Variants in ARHGAP32 observed in about 807,000 individuals in gnomAD.
ARHGAP32 encodes Rho GTPase activating protein 32, also known as rho GTPase-activating protein 32.
ARHGAP32 carries 51 observed loss-of-function variants against 186.5 expected under a neutral mutation model. The ratio of observed to expected loss-of-function variants is 0.27; its 90% CI spans 0.22 to 0.35. The LOEUF is 0.35. Among genes scored for constraint, ARHGAP32 ranks in the 10% least tolerant of loss-of-function variants. The probability of loss-of-function intolerance (pLI) is 1.00; values close to 1 mark genes in which losing one functional copy is unlikely to be tolerated. For missense variants in ARHGAP32, 2,186 were observed against 2,623.5 expected, an observed-to-expected ratio of 0.83 and a Z score of 3.64; for synonymous variants, 950 against 964.3, an observed-to-expected ratio of 0.99 and a Z score of 0.27.
At chr11:129,139,962 C>G (rs773284846) in intron 2 of ARHGAP32, among the ~76,000 whole-genome samples, 1 of 152,170 alleles carries the variant, frequency 6.6e-6, no homozygotes, top group African/African-American at 2.4e-5. Context: ...TTCAATCAAT[C>G]TAGGTACTGC....
chr11:129,268,865 C>G (rs1216042831), intron 1 of ARHGAP32, among the ~76,000 whole-genome samples: 2 of 152,074 alleles, frequency 1.3e-5, no homozygotes, highest in Non-Finnish European at 2.9e-5. Flanking sequence ...AAAAGTGACT[C>G]TAGCACCTCT....
intron 11 of ARHGAP32, among the ~76,000 whole-genome samples, chr11:129,019,168 A>G (rs1163444029): frequency 6.6e-6 from 1 of 152,214 alleles, no homozygotes; most frequent in Non-Finnish European, 1.5e-5. Flanking sequence ...GTTTTGTGAT[A>G]GCTCTGCCCT....
intron 2 of ARHGAP32, among the ~76,000 whole-genome samples, chr11:129,133,862 T>C (rs1282139946): frequency 2.0e-5 from 3 of 152,144 alleles, no homozygotes; most frequent in African/African-American, 4.8e-5. Context: ...TAGGCAAATA[T>C]AACAGATTAT....
intron 2 of ARHGAP32, among the ~76,000 whole-genome samples, chr11:129,129,458 G>T (rs1591638383): frequency 7.1e-6 from 1 of 139,882 alleles, no homozygotes. Context: ...CTGGGAGGTG[G>T]GGGGCGCCTC....
At chr11:129,040,665 C>T (rs958396664) in intron 11 of ARHGAP32, among the ~76,000 whole-genome samples, 4 of 152,052 alleles carry the variant, frequency 2.6e-5, no homozygotes, top group African/African-American at 9.7e-5. Context: ...AGTTACAATG[C>T]TATTATGCAA....
At chr11:129,105,255 C>CTT (rs1942016816) in intron 5 of ARHGAP32, among the ~76,000 whole-genome samples, 1 of 152,048 alleles carries the variant, frequency 6.6e-6, no homozygotes, top group Non-Finnish European at 1.5e-5. Flanking sequence ...TTCAAAAGTG[C>CTT]CTGGGTATAT....
chr11:129,222,429 A>G (rs1944723975), intron 1 of ARHGAP32, among the ~76,000 whole-genome samples: 1 of 152,206 alleles, frequency 6.6e-6, no homozygotes, highest in Non-Finnish European at 1.5e-5. Context: ...TTTAATTGCC[A>G]AAAGCTATGC....
chr11:129,081,931 ATC>A (rs945647342), intron 6 of ARHGAP32, among the ~76,000 whole-genome samples: 1 of 152,164 alleles, frequency 6.6e-6, no homozygotes, highest in Non-Finnish European at 1.5e-5. Context: ...ATGTACACAA[ATC>A]AACAGCACTG....
intron 11 of ARHGAP32, among the ~76,000 whole-genome samples, chr11:128,999,309 G>A (rs1311844828): frequency 1.3e-5 from 2 of 152,142 alleles, no homozygotes; most frequent in African/African-American, 4.8e-5. Flanking sequence ...CTAGGATTAG[G>A]AAATTCCTGC....
At chr11:129,030,021 C>A (rs1197524927) in intron 11 of ARHGAP32, among the ~76,000 whole-genome samples, 2 of 152,050 alleles carry the variant, frequency 1.3e-5, no homozygotes, top group East Asian at 1.9e-4. Context: ...CTTGATCTAT[C>A]CTTTGCAATG....
chr11:129,192,004 C>T (rs1944279935), intron 1 of ARHGAP32, 79 bp downstream of exon 1: 3 of 1,070,158 alleles, frequency 2.8e-6, no homozygotes, highest in East Asian at 2.4e-5. Context: ...GAAAAAAGAC[C>T]GAAATGCAGA....
chr11:129,049,725 T>C (rs1255823573), intron 10 of ARHGAP32, among the ~76,000 whole-genome samples: 1 of 152,232 alleles, frequency 6.6e-6, no homozygotes, highest in Admixed American at 6.5e-5. Flanking sequence ...ATTCCTTTCA[T>C]TGCTAAGTAA....
chr11:129,076,612 T>C (rs980994226), intron 6 of ARHGAP32, among the ~76,000 whole-genome samples: 1 of 152,184 alleles, frequency 6.6e-6, no homozygotes, highest in African/African-American at 2.4e-5. Context: ...GAGAAATTAC[T>C]AAATATTTTG....
chr11:129,037,831 G>A (rs775956541), intron 11 of ARHGAP32, among the ~76,000 whole-genome samples: 1 of 151,648 alleles, frequency 6.6e-6, no homozygotes. Flanking sequence ...GACTGGGCAC[G>A]GTGGCTCATG....
chr11:129,106,484 A>G (rs1942051687), intron 5 of ARHGAP32, among the ~76,000 whole-genome samples: 1 of 152,038 alleles, frequency 6.6e-6, no homozygotes, highest in Non-Finnish European at 1.5e-5. Flanking sequence ...GTACTTACGG[A>G]AATAAAGATG....
chr11:129,191,010 G>T (rs1944259599), intron 1 of ARHGAP32, among the ~76,000 whole-genome samples: 1 of 152,090 alleles, frequency 6.6e-6, no homozygotes, highest in Non-Finnish European at 1.5e-5. Flanking sequence ...GAACCCCAGA[G>T]TAAAAAATTT....
At chr11:129,151,914 A>G (rs191848659) in intron 2 of ARHGAP32, among the ~76,000 whole-genome samples, 2 of 152,306 alleles carry the variant, frequency 1.3e-5, no homozygotes, top group East Asian at 3.9e-4. Context: ...AAAACCACAC[A>G]AAAGATAAAT....
At chr11:128,988,398 T>C (rs1013522172) in intron 12 of ARHGAP32, among the ~76,000 whole-genome samples, 2 of 152,212 alleles carry the variant, frequency 1.3e-5, no homozygotes, top group East Asian at 1.9e-4. Context: ...AGGACAGTCT[T>C]TCTTCTGCAG....
At chr11:129,147,529 A>T (rs1252376159) in intron 2 of ARHGAP32, among the ~76,000 whole-genome samples, 1 of 152,082 alleles carries the variant, frequency 6.6e-6, no homozygotes, top group East Asian at 1.9e-4. Context: ...GGCGTATGGG[A>T]TTTTGTTTGT....
Sources: allele counts gnomAD v4.1 joint callset (sites outside exome capture counted in the v4.1 genomes callset), GRCh38; gene constraint gnomAD v4.1.1; transcripts MANE v1.5; gene names NCBI Gene and HGNC (gene_info 2026-07-23, HGNC 2026-07-21).